Variants in MTMR2 observed in about 807,000 individuals in gnomAD.
The protein encoded by MTMR2 is myotubularin related protein 2.
MTMR2 carries 55 observed loss-of-function variants against 86.9 expected under a neutral mutation model. That is an observed-to-expected ratio of 0.63 (90% CI 0.51 to 0.79). The LOEUF (loss-of-function observed/expected upper bound fraction) is 0.79, where lower values mean the gene tolerates loss of function less well. Ranked by LOEUF, MTMR2 falls within the 30% of genes least tolerant of loss-of-function variation. The probability of loss-of-function intolerance (pLI) is 0.00; values close to 1 mark genes in which losing one functional copy is unlikely to be tolerated. For missense variants in MTMR2, 659 were observed against 772.3 expected (o/e 0.85, Z 1.74); for synonymous variants, 241 against 266.8 (o/e 0.90, Z 0.94).
chr11:95,861,402 G>GTTATTATTATTATTA (rs149187983), intron 5 of MTMR2, among the ~76,000 whole-genome samples: 107 of 140,966 alleles, frequency 7.6e-4, no homozygotes, highest in Non-Finnish European at 1.1e-3. Flanking sequence ...ATTAAAGATG[G>GTTATTATTATTATTA]TTATTATTAT....
At chr11:95,844,024 T>TC (rs1404895511) in intron 11 of MTMR2, among the ~76,000 whole-genome samples, 1 of 152,134 alleles carries the variant, frequency 6.6e-6, no homozygotes, top group African/African-American at 2.4e-5. Context: ...CCTTTAATTG[T>TC]CAAGATTCTA....
chr11:95,875,317 A>T (rs1865064973), intron 2 of MTMR2, among the ~76,000 whole-genome samples: 1 of 151,740 alleles, frequency 6.6e-6, no homozygotes, highest in Admixed American at 6.6e-5. Context: ...TTTTCTCTAA[A>T]CTTCTCTTCT....
rs1014132718 is a variant in MTMR2 at position 95,838,135 on chromosome 11, C to T, written c.1552G>A (p.Gly518Arg). 1.2e-6 allele frequency: 2 copies of T among 1,610,920 alleles called. No homozygotes were observed. Among genetic ancestry groups the T allele is most frequent in the African/African-American group, 1.3e-5 (1 of 74,856 alleles). The change falls in exon 13 of 15, where the codon GGA (glycine) becomes AGA (arginine). Residue 518 changes from glycine to arginine, a missense_variant. By Grantham distance (125) the Gly-to-Arg change is moderately radical. Coordinates refer to ENST00000346299, the MANE Select transcript of MTMR2 (RefSeq NM_016156.6). ...ILDHLYSCLF[G>R]TFLCNSEQQR... is the part of the protein sequence containing the mutation. The stretch of plus-strand genomic sequence containing the variant: ...TGTTCACTATTACAGAGGAATGTTC[C>T]GAATAAGCAGCTGTATAGGTGGTCC...
chr11:95,872,535 G>A lies in MTMR2; in HGVS notation c.187-6859C>T, dbSNP rs1367170685. ...TGGGCTGAGACGATGGGGTTTTCTA[G>A]ATATACAATCATGTCATCTGCAAAC... On this transcript the variant is annotated intron_variant, in intron 2 of 14. Transcript: ENST00000346299. Among the ~76,000 whole-genome samples, 4 of 152,110 alleles carry A rather than the reference G, an allele frequency of 2.6e-5. 1 individual carries two copies. Among genetic ancestry groups the A allele is most frequent in the Non-Finnish European group, 4.4e-5 (3 of 68,012 alleles).
rs1865094873 is a variant in MTMR2 at position 95,875,973 on chromosome 11, A to C, written c.187-10297T>G. Among the ~76,000 whole-genome samples the C allele has an allele frequency of 2.0e-5, 3 of 152,302 alleles. No individual in the cohort carries two copies. In the South Asian group the frequency reaches 6.2e-4, roughly 32 times the overall value. Reference sequence around the variant, plus strand: ...CGTTCCTCTGGAAGTTTTGTCTCAGAGAAGTACCCGGCCATGTGAGGTGTC... The same window carrying C: ...CGTTCCTCTGGAAGTTTTGTCTCAGCGAAGTACCCGGCCATGTGAGGTGTC... On this transcript the variant is annotated intron_variant, in intron 2 of 14. Coordinates refer to ENST00000346299, the MANE Select transcript of MTMR2 (RefSeq NM_016156.6).
At chr11:95,852,225 TAAAGAA>T (rs966450194) in intron 7 of MTMR2, among the ~76,000 whole-genome samples, 1 of 152,194 alleles carries the variant, frequency 6.6e-6, no homozygotes, top group African/African-American at 2.4e-5. Flanking sequence ...ATTTCATAGA[TAAAGAA>T]ACTATGGCAC....
chr11:95,845,616 G>T (rs671320), intron 10 of MTMR2, among the ~76,000 whole-genome samples: 85,009 of 151,850 alleles, frequency 0.56, 25,833 homozygotes, highest in African/African-American at 0.8. Flanking sequence ...CTCTATAGCA[G>T]TTATTGTATT....
At chr11:95,921,340 C>T (rs1033040590) in intron 1 of MTMR2, among the ~76,000 whole-genome samples, 50 of 152,178 alleles carry the variant, frequency 3.3e-4, no homozygotes, top group African/African-American at 8.7e-4. Context: ...TGTATAAAAA[C>T]AGAAAGCATA....
At chr11:95,859,950 C>G (rs1012429411) in intron 5 of MTMR2, among the ~76,000 whole-genome samples, 5 of 152,168 alleles carry the variant, frequency 3.3e-5, no homozygotes, top group African/African-American at 1.2e-4. Flanking sequence ...GTGAGATACT[C>G]AGAATCATTC....
intron 1 of MTMR2, among the ~76,000 whole-genome samples, chr11:95,893,840 G>T (rs1239418107): frequency 3.9e-5 from 6 of 151,972 alleles, no homozygotes; most frequent in Non-Finnish European, 8.8e-5. Context: ...CCACTTCTCT[G>T]GACTAGTGCA....
intron 14 of MTMR2, 68 bp from the exon 15 acceptor site, chr11:95,835,519 A>T: frequency 6.6e-7 from 1 of 1,514,926 alleles, no homozygotes; most frequent in Non-Finnish European, 9.1e-7. Flanking sequence ...ATCATTCCCT[A>T]AATGTTGCAG....
chr11:95,911,810 C>T (rs1866516383), intron 1 of MTMR2, among the ~76,000 whole-genome samples: 1 of 152,142 alleles, frequency 6.6e-6, no homozygotes, highest in Admixed American at 6.6e-5. Flanking sequence ...GCTCAACAAA[C>T]ACTTACTTGG....
At chr11:95,880,942 A>G (rs894033559) in intron 2 of MTMR2, among the ~76,000 whole-genome samples, 1 of 152,114 alleles carries the variant, frequency 6.6e-6, no homozygotes, top group African/African-American at 2.4e-5. Context: ...ATTTTAGCAC[A>G]ATCAAAATAA....
chr11:95,905,351 A>G (rs1244453425), intron 1 of MTMR2, among the ~76,000 whole-genome samples: 2 of 151,880 alleles, frequency 1.3e-5, no homozygotes, highest in East Asian at 3.9e-4. Flanking sequence ...ACACACACAC[A>G]CACACACACA....
In MTMR2 at chr11:95,862,306, G is replaced by A. The variant is rs1214822130; in HGVS notation, c.323C>T (p.Thr108Met). Residue 108 changes from threonine (T) to methionine (M), a missense_variant, in exon 4 of 15, where the codon ACG becomes ATG. Transcript: ENST00000346299. ...TGAVRGTLTV[T>M]NYRLYFKSME... ...GCTTTTGAAATATAACCTATAATTCGTGACAGTCAGAGTTCCTCGTACAGC... is the reference window on the plus strand; with the variant it reads ...GCTTTTGAAATATAACCTATAATTCATGACAGTCAGAGTTCCTCGTACAGC... 6 of 1,613,832 alleles carry A rather than the reference G, an allele frequency of 3.7e-6. No individual in the cohort carries two copies. The highest frequency in any genetic ancestry group is 2.2e-5 in the East Asian group (1 of 44,874).
At chr11:95,868,267 C>A in intron 2 of MTMR2, among the ~76,000 whole-genome samples, 1 of 93,454 alleles carries the variant, frequency 1.1e-5, no homozygotes, top group Non-Finnish European at 1.9e-5. Flanking sequence ...GAGTGAGACC[C>A]TGTGCTAAAA....
At position 95,841,694 on chromosome 11, in the gene MTMR2, C is replaced by G. The variant is rs142460913; in HGVS notation, c.1402G>C (p.Asp468His). Residue 468 changes from aspartate (D) to histidine (H), a missense_variant, in exon 12 of 15, where the codon GAT becomes CAT. Transcript: ENST00000346299. ...CTGTCTGCATCTGCATGGTTCTTAT[C>G]TCCATGGCCAACTCTCTGAAGCAAA... ...HRFQLRVGHG[D>H]KNHADADRSP... 260 of 1,612,958 alleles carry G rather than the reference C, an allele frequency of 1.6e-4. No homozygotes were observed. The highest frequency in any genetic ancestry group is 2.1e-4 in the Non-Finnish European group (253 of 1,179,166).
intron 1 of MTMR2, among the ~76,000 whole-genome samples, chr11:95,899,752 G>T (rs1420657423): frequency 6.6e-6 from 1 of 152,056 alleles, no homozygotes; most frequent in African/African-American, 2.4e-5. Flanking sequence ...AGTAGGATTT[G>T]ATGGTAAAGC....
intron 7 of MTMR2, among the ~76,000 whole-genome samples, chr11:95,851,938 TATAA>T (rs1251409643): frequency 6.6e-6 from 1 of 152,248 alleles, no homozygotes; most frequent in East Asian, 1.9e-4. Context: ...TCTGCTATTT[TATAA>T]ATAGTGTACT....
Sources: allele counts gnomAD v4.1 joint callset (sites outside exome capture counted in the v4.1 genomes callset), GRCh38; gene constraint gnomAD v4.1.1; transcripts MANE v1.5; gene names NCBI Gene and HGNC (gene_info 2026-07-23, HGNC 2026-07-21).